The following MYO1B variants were observed in gnomAD, a reference collection of about 807,000 sequenced individuals.
MYO1B encodes unconventional myosin-Ib.
A neutral mutation model predicts 159.7 loss-of-function variants in MYO1B; 72 were observed. That is an observed-to-expected ratio of 0.45 (90% CI 0.37 to 0.55). The LOEUF is 0.55. MYO1B is among the 20% of genes least tolerant of loss of function. MYO1B has a pLI of 0.00. For synonymous variants in MYO1B, 468 were observed against 473.8 expected, an observed-to-expected ratio of 0.99 and a Z score of 0.16; for missense variants, 1,062 against 1,364.8, an observed-to-expected ratio of 0.78 and a Z score of 3.50.
In MYO1B at chr2:191,425,297, T is replaced by C. The variant is rs1698152995; in HGVS notation, c.*1337T>C. On this transcript the variant is annotated 3_prime_UTR_variant, in exon 31 of 31. Transcript: ENST00000392318. ...GTAACTGAATTTCACTTATCTTTTA[T>C]AAACCAGAAACATTAATTGAAAATA... 6.6e-6 allele frequency: 1 copy of C among 152,214 alleles called. No homozygotes were observed. Among genetic ancestry groups the C allele is most frequent in the Non-Finnish European group, 1.5e-5 (1 of 68,016 alleles). The allele number at this position is 152,214 out of a possible 1,614,324, so 9.4% of individuals were successfully genotyped here. A position where few individuals can be genotyped will look rare whatever the true frequency, so the allele number is the denominator to read the frequency against.
intron 24 of MYO1B, among the ~76,000 whole-genome samples, chr2:191,403,039 C>A (rs997447720): frequency 2.6e-5 from 4 of 152,054 alleles, no homozygotes; most frequent in African/African-American, 9.7e-5. Context: ...GACACAGTTA[C>A]AATAGTTGAG....
intron 17 of MYO1B, among the ~76,000 whole-genome samples, chr2:191,388,857 C>T (rs1400888): frequency 0.82 from 124,167 of 152,112 alleles, 54,533 homozygotes; most frequent in Non-Finnish European, 0.98. Flanking sequence ...TTCCATTACC[C>T]CAGAAAGCTT....
intron 1 of MYO1B, among the ~76,000 whole-genome samples, chr2:191,265,184 C>T (rs1687060926): frequency 7.6e-6 from 1 of 130,914 alleles, no homozygotes; most frequent in South Asian, 2.7e-4. Context: ...TGGGAAGGCC[C>T]CTGTTTTTTT....
chr2:191,296,951 T>C (rs1260820905), intron 3 of MYO1B, among the ~76,000 whole-genome samples: 1 of 152,222 alleles, frequency 6.6e-6, no homozygotes, highest in Non-Finnish European at 1.5e-5. Flanking sequence ...AACCGGGTTA[T>C]TCAACCCTAG....
intron 4 of MYO1B, among the ~76,000 whole-genome samples, chr2:191,337,248 T>C (rs1691915476): frequency 6.6e-6 from 1 of 152,240 alleles, no homozygotes. Flanking sequence ...TACTTCACAA[T>C]GCTTTATTTC....
intron 25 of MYO1B, among the ~76,000 whole-genome samples, chr2:191,408,647 G>A (rs1697075588): frequency 6.6e-6 from 1 of 152,096 alleles, no homozygotes; most frequent in Non-Finnish European, 1.5e-5. Context: ...TGCAAACTCT[G>A]GAGCCAGCCC....
chr2:191,267,773 G>A (rs372847832), intron 1 of MYO1B, among the ~76,000 whole-genome samples: 2 of 152,054 alleles, frequency 1.3e-5, no homozygotes, highest in African/African-American at 2.4e-5. Context: ...CCCAGTTTGC[G>A]TTTTTGGTTG....
intron 13 of MYO1B, 80 bp downstream of exon 13, chr2:191,370,372 A>G: frequency 2.1e-6 from 2 of 942,502 alleles, no homozygotes; most frequent in Non-Finnish European, 3.4e-6. Flanking sequence ...TGTAGACATT[A>G]TAAGTAACTG....
In MYO1B at chr2:191,414,614, C is replaced by G. The variant is rs1424391494; in HGVS notation, c.3104C>G (p.Thr1035Ser). The change falls in exon 29 of 31, where the codon ACC (threonine) becomes AGC (serine). Residue 1035 changes from threonine to serine, a missense_variant. Transcript: ENST00000392318. The stretch of plus-strand genomic sequence containing the variant: ...TCAGAGGTTCCATTGGTGGATGTGA[C>G]CAAGGTATCAATGAGCTCACAAAAT... Reference protein sequence around the residue: ...IKSEVPLVDVTKVSMSSQNDG... With the variant: ...IKSEVPLVDVSKVSMSSQNDG... The G allele has an allele frequency of 6.2e-7, 1 of 1,613,590 alleles. No individual in the cohort carries two copies. The highest frequency in any genetic ancestry group is 8.5e-7 in the Non-Finnish European group (1 of 1,179,776).
intron 7 of MYO1B, among the ~76,000 whole-genome samples, chr2:191,351,366 C>T (rs1692914768): frequency 6.6e-6 from 1 of 151,998 alleles, no homozygotes; most frequent in Non-Finnish European, 1.5e-5. Context: ...TCCCGGCACT[C>T]TCAGATGCCA....
At chr2:191,296,076 T>C (rs770410785) in intron 2 of MYO1B, 35 bp from the exon 3 acceptor site, 18 of 1,262,916 alleles carry the variant, frequency 1.4e-5, no homozygotes, top group Non-Finnish European at 2.0e-5. Flanking sequence ...TTTTGTGTAC[T>C]AACTAATGGG....
intron 21 of MYO1B, among the ~76,000 whole-genome samples, chr2:191,397,304 A>G (rs1276754461): frequency 6.8e-6 from 1 of 147,176 alleles, no homozygotes; most frequent in African/African-American, 2.5e-5. Flanking sequence ...CAAGTGAACA[A>G]AGGTCTCTGG....
intron 1 of MYO1B, among the ~76,000 whole-genome samples, chr2:191,249,038 C>T (rs937771367): frequency 2.6e-5 from 4 of 152,050 alleles, no homozygotes; most frequent in Non-Finnish European, 5.9e-5. Context: ...AGTTAGGTTG[C>T]CAACATTTAA....
intron 1 of MYO1B, among the ~76,000 whole-genome samples, chr2:191,266,053 CA>C (rs1471137400): frequency 6.6e-6 from 1 of 152,130 alleles, no homozygotes; most frequent in Admixed American, 6.5e-5. Flanking sequence ...TGCCCTTTGG[CA>C]GCCATTCCTG....
chr2:191,276,107 C>T (rs150369874), intron 1 of MYO1B, among the ~76,000 whole-genome samples: 1 of 152,288 alleles, frequency 6.6e-6, no homozygotes, highest in African/African-American at 2.4e-5. Context: ...TTTGATTCTG[C>T]TGTTATAGTG....
intron 24 of MYO1B, among the ~76,000 whole-genome samples, chr2:191,402,997 T>A (rs1166118378): frequency 6.6e-6 from 1 of 152,234 alleles, no homozygotes; most frequent in South Asian, 2.1e-4. Context: ...GTTATCTTTA[T>A]GAGTGTAAAG....
intron 16 of MYO1B, among the ~76,000 whole-genome samples, chr2:191,386,817 G>A (rs890161902): frequency 1.3e-5 from 2 of 152,028 alleles, no homozygotes; most frequent in Non-Finnish European, 2.9e-5. Context: ...CTTTTCTGCT[G>A]CTCAGGATAT....
At chr2:191,282,469 T>C (rs756310818) in intron 2 of MYO1B, among the ~76,000 whole-genome samples, 4 of 152,236 alleles carry the variant, frequency 2.6e-5, no homozygotes, top group Non-Finnish European at 5.9e-5. Context: ...TTTTATTCTT[T>C]ATAAAATTTT....
chr2:191,367,648 T>C (rs1694091326), intron 11 of MYO1B, among the ~76,000 whole-genome samples: 1 of 152,208 alleles, frequency 6.6e-6, no homozygotes, highest in Admixed American at 6.5e-5. Flanking sequence ...TGAAAGTAGA[T>C]AGCATGTAAC....
Sources: gnomAD v4.1 joint callset for allele counts (sites outside exome capture counted in the v4.1 genomes callset) on GRCh38, gnomAD v4.1.1 for gene constraint, MANE v1.5 for transcripts, NCBI Gene and HGNC (gene_info 2026-07-23, HGNC 2026-07-21) for gene names.